Variants in THBS3 observed in about 807,000 individuals in gnomAD.
THBS3 encodes thrombospondin 3, also known as thrombospondin-3.
Under a neutral mutation model 118.3 loss-of-function variants are expected in THBS3, and 78 were observed. The observed-to-expected ratio is 0.66, with a 90% CI of 0.55 to 0.80. The LOEUF is 0.80. Among genes scored for constraint, THBS3 ranks in the 30% least tolerant of loss-of-function variants. The pLI, the probability that THBS3 is intolerant of heterozygous loss-of-function variation, is 0.00. For missense variants in THBS3, 1,057 were observed against 1,247.4 expected (o/e 0.85, Z 2.30); for synonymous variants, 427 against 475.3 (o/e 0.90, Z 1.32).
At chr1:155,208,985 C>G (rs1329910414), upstream of THBS3, 3 of 1,603,612 alleles carry the variant, frequency 1.9e-6, no homozygotes, top group East Asian at 2.2e-5. Context: ...GACGAGGCGC[C>G]GTGACTCTCC....
In THBS3 at chr1:155,202,571, T is replaced by C. The variant is rs1571906391; in HGVS notation, c.958-170A>G. 8.9e-7 allele frequency: 1 copy of C among 1,126,304 alleles called. No homozygotes were observed. Among genetic ancestry groups the C allele is most frequent in the East Asian group, 2.6e-5 (1 of 38,738 alleles). 69.8% of individuals were successfully genotyped at this position (1,126,304 alleles called of 1,614,324 possible). ...CTTCCCTCGGGGTTCCCTCTCTCCC[T>C]CCCCATGCCACTGGTCACCATCTCA... On this transcript the variant is annotated intron_variant, in intron 8 of 22. Coordinates refer to ENST00000368378, the MANE Select transcript of THBS3 (RefSeq NM_007112.5). The surrounding 1 kb of genome is among the most constrained non-coding windows in gnomAD (Gnocchi z 5.5).
chr1:155,204,750 G>T, intron 4 of THBS3, 105 bp downstream of exon 4: 1 of 1,057,860 alleles, frequency 9.5e-7, no homozygotes, highest in Non-Finnish European at 1.5e-6. Flanking sequence ...AGGAACAGGT[G>T]AGCCAAAGGA....
chr1:155,206,480 C>G lies in THBS3; in HGVS notation c.80-74G>C. On this transcript the variant is annotated intron_variant, in intron 1 of 22. Transcript: ENST00000368378. The surrounding 1 kb of genome is among the most constrained non-coding windows in gnomAD (Gnocchi z 4.2). ...GGTATGCCCTCCCCCGAGCCCACAT[C>G]ACCCCCTACCCCCACCACCAGGCAG... 16 of 1,305,096 alleles carry G rather than the reference C, an allele frequency of 1.2e-5. No homozygotes were observed. The highest frequency in any genetic ancestry group is 2.5e-5 in the East Asian group (1 of 39,368). The allele number at this position is 1,305,096 out of a possible 1,614,324, so 80.8% of individuals were successfully genotyped here.
chr1:155,202,895 C>G lies in THBS3; in HGVS notation c.874G>C (p.Val292Leu), dbSNP rs1327331294. ...PCFRGVDCMEVYEYPGYRCGP... is the reference protein window; with the variant it reads ...PCFRGVDCMELYEYPGYRCGP... ...CAGCGGTAGCCTGGGTACTCGTACA[C>G]TTCCATGCAGTCCACACCTCGGAAG... is the stretch of plus-strand genomic sequence containing the variant. Residue 292 changes from valine to leucine, a missense_variant, in exon 8 of 23, where the codon GTG becomes CTG. Physicochemically the swap from Val to Leu is conservative, Grantham distance 32 (BLOSUM62 1). Around this residue, in one of 3 missense-constraint regions of THBS3, gnomAD observed 544 missense variants for 715.6 expected, o/e 0.76. Transcript: ENST00000368378. The surrounding 1 kb of genome is among the most constrained non-coding windows in gnomAD (Gnocchi z 5.5). 2 of 1,613,934 alleles carry G rather than the reference C, an allele frequency of 1.2e-6. No homozygotes were observed. The highest frequency in any genetic ancestry group is 1.7e-6 in the Non-Finnish European group (2 of 1,180,044).
chr1:155,202,506 C>G lies in THBS3; in HGVS notation c.958-105G>C. 1 of 1,484,940 alleles carries G rather than the reference C, an allele frequency of 6.7e-7. No homozygotes were observed. The highest frequency in any genetic ancestry group is 2.0e-5 in the Admixed American group (1 of 50,492). 92.0% of individuals were successfully genotyped at this position (1,484,940 alleles called of 1,614,324 possible). A position where few individuals can be genotyped will look rare whatever the true frequency, so the allele number is the denominator to read the frequency against. On this transcript the variant is annotated intron_variant, in intron 8 of 22. Coordinates refer to ENST00000368378, the MANE Select transcript of THBS3 (RefSeq NM_007112.5). This position sits in a 1 kb window ranked among gnomAD's most constrained non-coding sequence, Gnocchi z 5.5. Reference sequence around the variant, plus strand: ...CTCCAGGTCTCCCCTTTGTGCAGCTCTCCCCACACAACTGCCTTGTGCTCC... The same window carrying G: ...CTCCAGGTCTCCCCTTTGTGCAGCTGTCCCCACACAACTGCCTTGTGCTCC...
chr1:155,208,111 T>A (rs760613029), upstream of THBS3: 10 of 569,072 alleles, frequency 1.8e-5, no homozygotes, highest in Non-Finnish European at 2.8e-5. Context: ...CTCTCCCTAA[T>A]GATCCTCCCC....
chr1:155,208,155 G>C (rs1338494126), upstream of THBS3, among the ~76,000 whole-genome samples: 2 of 152,138 alleles, frequency 1.3e-5, no homozygotes, highest in Non-Finnish European at 2.9e-5. Context: ...ATCATTGTTG[G>C]GGGTCTCGGC....
upstream of THBS3, chr1:155,208,599 G>A (rs569079339): frequency 1.0e-4 from 60 of 572,438 alleles, no homozygotes; most frequent in Middle Eastern, 4.6e-4. Context: ...GAACACTGTG[G>A]GTACTAGCGG....
Position 155,201,127 on chromosome 1 carries a change from C to T in THBS3, c.1407G>A (p.Leu469=). The change falls in exon 12 of 23, where the codon CTG becomes CTA. Residue 469 remains leucine (L), a synonymous_variant. Coordinates refer to ENST00000368378, the MANE Select transcript of THBS3 (RefSeq NM_007112.5). The part of the protein sequence containing the change: ...TDIDGYPDQA[L]PCMDNNKHCK... The stretch of plus-strand genomic sequence containing the variant: ...AGTGTTTGTTGTTGTCCATGCAGGG[C>T]AGTGCTTGGTCTGGGTAGCCATCGA... 1 of 1,614,210 alleles carries T rather than the reference C, an allele frequency of 6.2e-7. No homozygotes were observed. Among genetic ancestry groups the T allele is most frequent in the Non-Finnish European group, 8.5e-7 (1 of 1,180,050 alleles).
At position 155,203,173 on chromosome 1, in the gene THBS3, CTGCCACCCTACCCCAGAATCAG is replaced by C. The variant is rs1434339889; in HGVS notation, c.756+28_757-37del. ...ATGGGGAGGAGTCAGCACTTGACAT[CTGCCACCCTACCCCAGAATCAG>C]TGCCACCCTTCGCCAGCCCACCCAA... On this transcript the variant is annotated intron_variant, in intron 6 of 22. Transcript: ENST00000368378. 2 of 1,614,212 alleles carry C rather than the reference CTGCCACCCTACCCCAGAATCAG, an allele frequency of 1.2e-6. 1 individual carries two copies. The highest frequency in any genetic ancestry group is 2.2e-5 in the South Asian group (2 of 91,084).
At chr1:155,196,558 C>T (rs148444945) in intron 21 of THBS3, 2 of 214,294 alleles carry the variant, frequency 9.3e-6, no homozygotes, top group African/African-American at 4.6e-5. Context: ...TAAGCAGACC[C>T]ATTTCCCCTC....
intron 2 of THBS3, among the ~76,000 whole-genome samples, chr1:155,205,787 T>C (rs953866954): frequency 6.6e-6 from 1 of 152,086 alleles, no homozygotes; most frequent in Admixed American, 6.5e-5. Context: ...AAAAAAATAA[T>C]TGGTTTAGAG....
chr1:155,205,628 G>T, intron 2 of THBS3: 1 of 325,856 alleles, frequency 3.1e-6, no homozygotes, highest in Non-Finnish European at 5.8e-6. Flanking sequence ...AAATACAAAA[G>T]TTAGCCAGGC....
At chr1:155,201,749 G>A (rs1351614011) in intron 10 of THBS3, 180 bp from the exon 11 acceptor site, 6 of 982,436 alleles carry the variant, frequency 6.1e-6, no homozygotes, top group African/African-American at 1.6e-5. Flanking sequence ...TTCAGATGAG[G>A]AAGCTGAGGC....
intron 1 of THBS3, 31 bp downstream of exon 1, chr1:155,207,767 G>A (rs754725142): frequency 1.2e-6 from 2 of 1,610,048 alleles, no homozygotes; most frequent in Non-Finnish European, 1.7e-6. Context: ...AAGAAGCAGA[G>A]AGCGGTCTAA....
Position 155,197,965 on chromosome 1 carries a change from G to T in THBS3, c.2254-37C>A, listed in dbSNP as rs1668966995. On this transcript the variant is annotated intron_variant, in intron 18 of 22. Coordinates refer to ENST00000368378, the MANE Select transcript of THBS3 (RefSeq NM_007112.5). This position sits in a 1 kb window ranked among gnomAD's most constrained non-coding sequence, Gnocchi z 5.0. ...TAGTAAAGAAAAAGCTGTGATGCAGGTGTGCTATCCCTCCCAGGCCCCCCG... is the reference window on the plus strand; with the variant it reads ...TAGTAAAGAAAAAGCTGTGATGCAGTTGTGCTATCCCTCCCAGGCCCCCCG... 3 of 1,613,964 alleles carry T rather than the reference G, an allele frequency of 1.9e-6. No homozygotes were observed. The highest frequency in any genetic ancestry group is 2.5e-6 in the Non-Finnish European group (3 of 1,180,012).
chr1:155,208,091 T>G, upstream of THBS3: 2 of 578,676 alleles, frequency 3.5e-6, no homozygotes, highest in Non-Finnish European at 6.1e-6. Context: ...GAGGCCTCCC[T>G]GCTTTCTACC....
chr1:155,200,005 T>C lies in THBS3; in HGVS notation c.1817A>G (p.Asn606Ser), dbSNP rs2147948520. Residue 606 changes from asparagine to serine, a missense_variant, in exon 15 of 23, where the codon AAT (asparagine) becomes AGT (serine). By Grantham distance (46) the Asn-to-Ser change is conservative. This residue lies in a region of THBS3 where 544 missense variants were observed against 715.6 expected (regional missense o/e 0.76). Transcript: ENST00000368378. ...ACCATCTCCCTGTACCTGGGTAGGATTGCTCATTTCAGGGCAGCTGTCGCA... is the reference window on the plus strand; with the variant it reads ...ACCATCTCCCTGTACCTGGGTAGGACTGCTCATTTCAGGGCAGCTGTCGCA... The part of the protein sequence containing the change: ...DACDSCPEMS[N>S]PTQTDADSDL... 6.2e-7 allele frequency: 1 copy of C among 1,600,228 alleles called. No individual in the cohort carries two copies. The highest frequency in any genetic ancestry group is 8.5e-7 in the Non-Finnish European group (1 of 1,172,264).
In THBS3 at chr1:155,197,160, A is replaced by T; in HGVS notation, c.2553T>A (p.His851Gln). The change falls in exon 21 of 23, where the codon CAT becomes CAA. Residue 851 changes from histidine (H) to glutamine (Q), a missense_variant. By Grantham distance (24) the His-to-Gln change is conservative. Coordinates refer to ENST00000368378, the MANE Select transcript of THBS3 (RefSeq NM_007112.5). This position sits in a 1 kb window ranked among gnomAD's most constrained non-coding sequence, Gnocchi z 5.0. Reference protein sequence around the residue: ...PGEHLRNALWHTGHTPDQVRL... With the variant: ...PGEHLRNALWQTGHTPDQVRL... ...GTACCTGATCAGGGGTGTGGCCAGTATGCCACAGGGCATTTCGGAGGTGCT... is the reference window on the plus strand; with the variant it reads ...GTACCTGATCAGGGGTGTGGCCAGTTTGCCACAGGGCATTTCGGAGGTGCT... The T allele has an allele frequency of 6.2e-7, 1 of 1,614,182 alleles. No individual in the cohort carries two copies. The highest frequency in any genetic ancestry group is 8.5e-7 in the Non-Finnish European group (1 of 1,180,016).
Sources: gnomAD v4.1 joint callset for allele counts (sites outside exome capture counted in the v4.1 genomes callset) on GRCh38, gnomAD v4.1.1 for gene constraint, gnomAD v4.1.1 regional missense constraint, Gnocchi (gnomAD v3.1) non-coding constraint, MANE v1.5 for transcripts, NCBI Gene and HGNC (gene_info 2026-07-23, HGNC 2026-07-21) for gene names.